Variants in HLCS observed in about 807,000 individuals in gnomAD.
HLCS encodes the protein holocarboxylase synthetase.
In HLCS, 53 loss-of-function variants were observed where a neutral mutation model predicts 75.0. The ratio of observed to expected loss-of-function variants is 0.71; its 90% CI spans 0.57 to 0.89. HLCS has a LOEUF of 0.89. Ranked by LOEUF, HLCS falls within the 40% of genes least tolerant of loss-of-function variation. The pLI is 0.00. For synonymous variants in HLCS, 431 were observed against 428.6 expected (o/e 1.01, Z -0.07); for missense variants, 966 against 1,074.0 (o/e 0.90, Z 1.41).
intron 6 of HLCS, among the ~76,000 whole-genome samples, chr21:36,880,373 A>G (rs925066972): frequency 6.6e-6 from 1 of 152,198 alleles, no homozygotes; most frequent in African/African-American, 2.4e-5. Context: ...ATTTTAATTG[A>G]GCTAAAAAAC....
upstream of HLCS, among the ~76,000 whole-genome samples, chr21:36,967,985 G>A (rs1010024834): frequency 4.6e-5 from 7 of 151,864 alleles, no homozygotes; most frequent in African/African-American, 1.7e-4. Flanking sequence ...CTCCCAAAGT[G>A]CTGGGATTAC....
intron 2 of HLCS, among the ~76,000 whole-genome samples, chr21:36,942,133 C>T (rs1432597408): frequency 2.0e-5 from 3 of 151,558 alleles, no homozygotes; most frequent in African/African-American, 7.3e-5. Flanking sequence ...ACACTCCAGC[C>T]TGGCACTCCA....
At chr21:36,852,700 T>TA (rs748111125) in intron 6 of HLCS, among the ~76,000 whole-genome samples, 3 of 152,166 alleles carry the variant, frequency 2.0e-5, no homozygotes, top group Non-Finnish European at 4.4e-5. Context: ...CATCTGCCTC[T>TA]AAAGCCTGAT....
At chr21:36,782,598 G>A (rs998528391) in intron 6 of HLCS, among the ~76,000 whole-genome samples, 5 of 152,128 alleles carry the variant, frequency 3.3e-5, no homozygotes, top group Non-Finnish European at 7.3e-5. Context: ...CATGGAGAGG[G>A]TGTAGAGGAG....
intron 6 of HLCS, among the ~76,000 whole-genome samples, chr21:36,859,268 C>T (rs902061653): frequency 3.3e-5 from 5 of 152,074 alleles, no homozygotes; most frequent in African/African-American, 7.2e-5. Flanking sequence ...TGATCTGCCC[C>T]GCTTGGCCTC....
chr21:36,966,727 C>A (rs113500531), upstream of HLCS: 1 of 537,036 alleles, frequency 1.9e-6, no homozygotes, highest in Non-Finnish European at 2.4e-6. Context: ...GGCCGCGCCG[C>A]CCCCCCGGGC....
intron 1 of HLCS, among the ~76,000 whole-genome samples, chr21:36,977,071 A>G (rs551146018): frequency 2.0e-5 from 3 of 152,142 alleles, no homozygotes; most frequent in South Asian, 2.1e-4. Flanking sequence ...AACTACCTCA[A>G]AAACTGAGGT....
chr21:36,951,467 G>C (rs1386649586), intron 2 of HLCS, among the ~76,000 whole-genome samples: 1 of 152,058 alleles, frequency 6.6e-6, no homozygotes, highest in Non-Finnish European at 1.5e-5. Context: ...CTGACCTCAC[G>C]CATCTAAGTA....
At chr21:36,960,131 ACCCCCCCCC>A (rs10555694) in intron 2 of HLCS, among the ~76,000 whole-genome samples, 1 of 77,676 alleles carries the variant, frequency 1.3e-5, no homozygotes, top group East Asian at 3.6e-4. Context: ...GGAGCCACCC[ACCCCCCCCC>A]CCCCCGACCC....
chr21:36,808,486 G>A (rs1428180682), intron 6 of HLCS, among the ~76,000 whole-genome samples: 1 of 152,122 alleles, frequency 6.6e-6, no homozygotes, highest in Admixed American at 6.5e-5. Flanking sequence ...AGAAATATAA[G>A]TTTTCACAGT....
chr21:36,870,834 A>G (rs1419994980), intron 6 of HLCS, among the ~76,000 whole-genome samples: 2 of 152,316 alleles, frequency 1.3e-5, no homozygotes, highest in East Asian at 1.9e-4. Context: ...GTTTTAAAAG[A>G]CCTGGGCAGA....
chr21:36,888,741 C>G (rs1348358136), intron 6 of HLCS, among the ~76,000 whole-genome samples: 1 of 151,614 alleles, frequency 6.6e-6, no homozygotes, highest in Non-Finnish European at 1.5e-5. Flanking sequence ...AGTGTTCCAA[C>G]GCCCCTGATC....
At chr21:36,844,342 C>T (rs1016238645) in intron 6 of HLCS, among the ~76,000 whole-genome samples, 25 of 151,688 alleles carry the variant, frequency 1.6e-4, no homozygotes, top group African/African-American at 5.3e-4. Context: ...TAGGGGGAAA[C>T]GGAGGGGGAT....
chr21:36,862,022 T>G (rs1303548822), intron 6 of HLCS, among the ~76,000 whole-genome samples: 1 of 152,232 alleles, frequency 6.6e-6, no homozygotes, highest in Non-Finnish European at 1.5e-5. Context: ...AGGCATTTCC[T>G]ATAAATGAAA....
At chr21:36,882,433 TTTTTG>T (rs759125103) in intron 6 of HLCS, among the ~76,000 whole-genome samples, 131 of 151,734 alleles carry the variant, frequency 8.6e-4, no homozygotes, top group Middle Eastern at 3.4e-3. Flanking sequence ...TTTTGGGGTT[TTTTTG>T]TTTTGTTTTG....
chr21:36,839,545 G>A (rs908026667), intron 6 of HLCS, among the ~76,000 whole-genome samples: 5 of 152,120 alleles, frequency 3.3e-5, no homozygotes, highest in Non-Finnish European at 7.4e-5. Flanking sequence ...AGGACTGAGG[G>A]AGAGCAGATA....
intron 7 of HLCS, 116 bp downstream of exon 7, chr21:36,767,102 C>G: frequency 1.0e-6 from 1 of 983,836 alleles, no homozygotes; most frequent in South Asian, 1.3e-5. Context: ...AAAACAGAAT[C>G]TACTAACTTG....
chr21:36,769,540 T>C (rs1415436360), intron 6 of HLCS, among the ~76,000 whole-genome samples: 2 of 152,230 alleles, frequency 1.3e-5, no homozygotes, highest in Non-Finnish European at 2.9e-5. Flanking sequence ...ACCTCCCTGC[T>C]TCTGTATATT....
intron 2 of HLCS, among the ~76,000 whole-genome samples, chr21:36,956,143 C>T (rs2067931363): frequency 6.6e-6 from 1 of 151,676 alleles, no homozygotes; most frequent in Non-Finnish European, 1.5e-5. Context: ...TGTAAGTGTT[C>T]AAAAACGTGG....
Sources: gnomAD v4.1 joint callset for allele counts (sites outside exome capture counted in the v4.1 genomes callset) on GRCh38, gnomAD v4.1.1 for gene constraint, MANE v1.5 for transcripts, NCBI Gene and HGNC (gene_info 2026-07-23, HGNC 2026-07-21) for gene names.